The following GRIK1 variants were observed in gnomAD, a reference collection of about 807,000 sequenced individuals.
GRIK1 encodes glutamate ionotropic receptor kainate type subunit 1.
Under a neutral mutation model 105.7 loss-of-function variants are expected in GRIK1, and 69 were observed. That is an observed-to-expected ratio of 0.65 (90% CI 0.54 to 0.80). The LOEUF is 0.80. Among genes scored for constraint, GRIK1 ranks in the 30% least tolerant of loss-of-function variants. The probability of loss-of-function intolerance (pLI) is 0.00; values close to 1 mark genes in which losing one functional copy is unlikely to be tolerated. For synonymous variants in GRIK1, 438 were observed against 431.3 expected, an observed-to-expected ratio of 1.02 and a Z score of -0.19; for missense variants, 1,109 against 1,167.3, an observed-to-expected ratio of 0.95 and a Z score of 0.73.
chr21:29,614,266 G>C lies in GRIK1; in HGVS notation c.1099-15329C>G, dbSNP rs79824932. On this transcript the variant is annotated intron_variant, in intron 7 of 17. Transcript: ENST00000327783. Reference sequence around the variant, plus strand: ...TCCCGTCAGTCCTGGAGGCATTTACGCTGATCTCTGTGCATTTTCCAGTGT... The same window carrying C: ...TCCCGTCAGTCCTGGAGGCATTTACCCTGATCTCTGTGCATTTTCCAGTGT... Among the ~76,000 whole-genome samples, 344 of 152,194 alleles carry C rather than the reference G, an allele frequency of 2.3e-3. 1 individual carries two copies. Among genetic ancestry groups the C allele is most frequent in the African/African-American group, 7.7e-3 (319 of 41,534 alleles).
At position 29,643,805 on chromosome 21, in the gene GRIK1, T is replaced by C. The variant is rs149229289; in HGVS notation, c.955-836A>G. Reference sequence around the variant, plus strand: ...TTGCAACTTCAAATACATTAGCTCATTTGAAATTCTCAACAAGTCTTCAAA... The same window carrying C: ...TTGCAACTTCAAATACATTAGCTCACTTGAAATTCTCAACAAGTCTTCAAA... On this transcript the variant is annotated intron_variant, in intron 6 of 17. Coordinates refer to ENST00000327783, the MANE Select transcript of GRIK1 (RefSeq NM_001330994.2). 5.1e-4 allele frequency among the ~76,000 whole-genome samples: 78 copies of C among 152,316 alleles called. 1 individual carries two copies. The highest frequency in any genetic ancestry group is 8.4e-4 in the Non-Finnish European group (57 of 68,032).
intron 6 of GRIK1, among the ~76,000 whole-genome samples, chr21:29,646,366 T>G (rs562304097): frequency 6.6e-6 from 1 of 152,210 alleles, no homozygotes. Flanking sequence ...TGCAACTCTA[T>G]TGGGAGAGGA....
intron 1 of GRIK1, among the ~76,000 whole-genome samples, chr21:29,921,355 T>A (rs182909643): frequency 6.6e-5 from 10 of 152,308 alleles, no homozygotes; most frequent in African/African-American, 2.4e-4. Flanking sequence ...AAAAGACCAG[T>A]TCAGCATGTT....
intron 1 of GRIK1, among the ~76,000 whole-genome samples, chr21:29,798,013 G>C (rs956066450): frequency 6.6e-6 from 1 of 151,916 alleles, no homozygotes; most frequent in Non-Finnish European, 1.5e-5. Flanking sequence ...CTTTTGTTTT[G>C]TACTCATATG....
chr21:29,585,614 C>T (rs886589587), intron 12 of GRIK1, among the ~76,000 whole-genome samples: 1 of 152,072 alleles, frequency 6.6e-6, no homozygotes, highest in Non-Finnish European at 1.5e-5. Flanking sequence ...CTACTGTTGC[C>T]CTGGGCTGCA....
intron 4 of GRIK1, among the ~76,000 whole-genome samples, chr21:29,669,296 G>A (rs1412317092): frequency 6.6e-6 from 1 of 152,112 alleles, no homozygotes; most frequent in Non-Finnish European, 1.5e-5. Flanking sequence ...TCATTAAAAG[G>A]TGAGAAAATA....
At chr21:29,888,197 C>CTTTCTTTCTTTCTTTCTTTCTTCCTT (rs59241719) in intron 1 of GRIK1, among the ~76,000 whole-genome samples, 686 of 22,310 alleles carry the variant, frequency 0.031, 203 homozygotes, top group South Asian at 0.061. Context: ...TTCTTTCTTT[C>CTTTCTTTCTTTCTTTCTTTCTTCCTT]TCTCTCTCTC....
chr21:29,761,311 C>T (rs1204374492), intron 1 of GRIK1: 2 of 152,222 alleles, frequency 1.3e-5, no homozygotes, highest in Non-Finnish European at 1.5e-5. Context: ...AACTCATGAA[C>T]GCATTCAGCA....
chr21:29,922,946 A>G (rs1358028464), intron 1 of GRIK1, among the ~76,000 whole-genome samples: 1 of 152,202 alleles, frequency 6.6e-6, no homozygotes, highest in Non-Finnish European at 1.5e-5. Context: ...TCAAGTCTAC[A>G]CTAGCTAGAA....
chr21:29,921,625 A>G (rs2071197071), intron 1 of GRIK1, among the ~76,000 whole-genome samples: 1 of 152,200 alleles, frequency 6.6e-6, no homozygotes, highest in Non-Finnish European at 1.5e-5. Flanking sequence ...GTTTTCACGA[A>G]TCAAATAAAT....
In GRIK1 at chr21:29,727,665, G is replaced by A. The variant is rs144199115; in HGVS notation, c.119-33602C>T. Among the ~76,000 whole-genome samples, 22 of 152,262 alleles carry A rather than the reference G, an allele frequency of 1.4e-4. No homozygotes were observed. In the East Asian group the frequency reaches 3.1e-3, roughly 21 times the overall value. On this transcript the variant is annotated intron_variant, in intron 1 of 17. Coordinates refer to ENST00000327783, the MANE Select transcript of GRIK1 (RefSeq NM_001330994.2). ...TAAGAGGCTTGAAGTGTAAATGTCC[G>A]GAACTGTCCATGTAGGGAAGTAGAA...
chr21:29,602,587 A>T lies in GRIK1; in HGVS notation c.1099-3650T>A, dbSNP rs139287648. 2.7e-3 allele frequency among the ~76,000 whole-genome samples: 408 copies of T among 152,290 alleles called. 3 individuals carry two copies. The highest frequency in any genetic ancestry group is 9.4e-3 in the African/African-American group (389 of 41,560). On this transcript the variant is annotated intron_variant, in intron 7 of 17. Transcript: ENST00000327783. ...CCCAACTGCAGGGAAAGAGTCAGCA[A>T]AAGATTCCTGAAGGCAAGAATGCCT...
chr21:29,889,611 C>T (rs1432321925), intron 1 of GRIK1, among the ~76,000 whole-genome samples: 1 of 151,854 alleles, frequency 6.6e-6, no homozygotes, highest in Non-Finnish European at 1.5e-5. Flanking sequence ...ATCTTTTATT[C>T]ATCCTACAAA....
intron 14 of GRIK1, among the ~76,000 whole-genome samples, chr21:29,570,522 T>C (rs1326633995): frequency 6.6e-6 from 1 of 151,960 alleles, no homozygotes; most frequent in Non-Finnish European, 1.5e-5. Context: ...AAAAATTCTC[T>C]TAAATAGAGT....
rs548603723 is a variant in GRIK1 at position 29,743,786 on chromosome 21, T to C, written c.119-49723A>G. 6.0e-4 allele frequency among the ~76,000 whole-genome samples: 91 copies of C among 152,298 alleles called. 1 individual carries two copies. In the South Asian group the frequency reaches 0.013, roughly 22 times the overall value. On this transcript the variant is annotated intron_variant, in intron 1 of 17. Transcript: ENST00000327783. ...GATTCAAAGGAAAACATAAATCAAGTGAAAATTAATATAATTACCTCAAAA... is the reference window on the plus strand; with the variant it reads ...GATTCAAAGGAAAACATAAATCAAGCGAAAATTAATATAATTACCTCAAAA...
intron 1 of GRIK1, among the ~76,000 whole-genome samples, chr21:29,832,146 A>T (rs1392912601): frequency 6.6e-6 from 1 of 152,208 alleles, no homozygotes; most frequent in Non-Finnish European, 1.5e-5. Context: ...GGCCACACTG[A>T]TGCATGGGGT....
At chr21:29,824,048 G>A (rs886522175) in intron 1 of GRIK1, among the ~76,000 whole-genome samples, 1 of 151,912 alleles carries the variant, frequency 6.6e-6, no homozygotes, top group Non-Finnish European at 1.5e-5. Flanking sequence ...CAGAATCAGG[G>A]GAATTGCAAT....
At chr21:29,870,608 A>G (rs2068974216) in intron 1 of GRIK1, among the ~76,000 whole-genome samples, 1 of 152,062 alleles carries the variant, frequency 6.6e-6, no homozygotes, top group East Asian at 1.9e-4. Flanking sequence ...TAAAGCAATC[A>G]GCAAATTTCT....
intron 1 of GRIK1, among the ~76,000 whole-genome samples, chr21:29,815,256 A>T (rs2067125304): frequency 6.6e-6 from 1 of 152,210 alleles, no homozygotes; most frequent in Admixed American, 6.5e-5. Context: ...AGTCTTATCC[A>T]GTCCTTTCCT....
Sources: gnomAD v4.1 joint callset for allele counts (sites outside exome capture counted in the v4.1 genomes callset) on GRCh38, gnomAD v4.1.1 for gene constraint, MANE v1.5 for transcripts, NCBI Gene and HGNC (gene_info 2026-07-23, HGNC 2026-07-21) for gene names.